The following CDC42EP4 variants were observed in gnomAD, a reference collection of about 807,000 sequenced individuals.
CDC42EP4 encodes CDC42 effector protein (Rho GTPase binding) 4.
In CDC42EP4, 6 loss-of-function variants were observed where a neutral mutation model predicts 5.6. That is an observed-to-expected ratio of 1.07 (90% CI 0.59 to 2.12). The LOEUF is 2.12. Among genes scored for constraint, CDC42EP4 ranks in the 30% most tolerant of loss-of-function variants. The pLI is 0.00. For missense variants in CDC42EP4, 490 were observed against 508.6 expected (o/e 0.96, Z 0.35); for synonymous variants, 230 against 224.2 (o/e 1.03, Z -0.23).
chr17:73,302,970 G>C (rs1465175827), intron 1 of CDC42EP4, among the ~76,000 whole-genome samples: 1 of 147,562 alleles, frequency 6.8e-6, no homozygotes, highest in Admixed American at 7.0e-5. Flanking sequence ...CGTGAACCCG[G>C]GAGGCAGAGC....
In CDC42EP4 at chr17:73,300,565, G is replaced by C. The variant is rs547004203; in HGVS notation, c.-113+11328C>G. On this transcript the variant is annotated intron_variant, in intron 1 of 1. Coordinates refer to ENST00000335793, the MANE Select transcript of CDC42EP4 (RefSeq NM_012121.5). ...GAGCACTTGACATGTGGCCAGCATG[G>C]AATAATAAACACTGGAGACTGGGAG... Among the ~76,000 whole-genome samples the C allele has an allele frequency of 2.0e-5, 3 of 152,264 alleles. No homozygotes were observed. The South Asian group carries it at 6.2e-4, about 32-fold the overall frequency.
chr17:73,290,798 A>T (rs774392404), intron 1 of CDC42EP4, among the ~76,000 whole-genome samples: 1 of 152,138 alleles, frequency 6.6e-6, no homozygotes, highest in Non-Finnish European at 1.5e-5. Flanking sequence ...CAAGGCAGGA[A>T]CCCCCAGACC....
At chr17:73,302,028 T>G (rs1183366402) in intron 1 of CDC42EP4, among the ~76,000 whole-genome samples, 21 of 152,118 alleles carry the variant, frequency 1.4e-4, no homozygotes, top group Non-Finnish European at 5.9e-5. Flanking sequence ...GAGACAGGGT[T>G]TCACTGTGTT....
intron 1 of CDC42EP4, among the ~76,000 whole-genome samples, chr17:73,303,052 A>AAAAAAAAAAAG: frequency 6.7e-6 from 1 of 149,578 alleles, no homozygotes; most frequent in Admixed American, 6.7e-5. Context: ...TCAAAAAAAA[A>AAAAAAAAAAAG]AAGATAATTG....
At chr17:73,297,301 A>ACACACACACACACACACACAC (rs1568343473) in intron 1 of CDC42EP4, among the ~76,000 whole-genome samples, 11 of 147,800 alleles carry the variant, frequency 7.4e-5, no homozygotes, top group African/African-American at 2.3e-4. Flanking sequence ...TCTCCAAAAA[A>ACACACACACACACACACACAC]AAAAAAAAAC....
rs916774025 is a variant in CDC42EP4, at chr17:73,285,995, G to A, written c.506C>T (p.Ala169Val). 3 of 1,613,266 alleles carry A rather than the reference G, an allele frequency of 1.9e-6. No homozygotes were observed. The highest frequency in any genetic ancestry group is 4.5e-5 in the East Asian group (2 of 44,854). Residue 169 changes from alanine (A) to valine (V), a missense_variant, in exon 2 of 2, where the codon GCC becomes GTC. Physicochemically the swap from Ala to Val is moderately conservative, Grantham distance 64. Coordinates refer to ENST00000335793, the MANE Select transcript of CDC42EP4 (RefSeq NM_012121.5). The surrounding 1 kb of genome is among the most constrained non-coding windows in gnomAD (Gnocchi z 6.8). The stretch of plus-strand genomic sequence containing the variant: ...GGGGTCAGGGGAATGTGGACCCGCG[G>A]CCCCATTCCGACGGGGCACTGCCTC... The part of the protein sequence containing the change: ...TEEAVPRRNG[A>V]AGPHSPDPLL...
chr17:73,309,617 G>C (rs2062263164), intron 1 of CDC42EP4: 1 of 153,280 alleles, frequency 6.5e-6, no homozygotes, highest in African/African-American at 2.4e-5. Context: ...CAAAAAGAGA[G>C]AGGCAGAAAC....
At chr17:73,308,219 C>T (rs1287390476) in intron 1 of CDC42EP4, among the ~76,000 whole-genome samples, 3 of 152,160 alleles carry the variant, frequency 2.0e-5, no homozygotes, top group African/African-American at 4.8e-5. Flanking sequence ...GACACTCTGC[C>T]GGATGACCCC....
Position 73,310,680 on chromosome 17 carries a change from C to A in CDC42EP4, c.-113+1213G>T, listed in dbSNP as rs534845855. Among the ~76,000 whole-genome samples, 271 of 151,588 alleles carry A rather than the reference C, an allele frequency of 1.8e-3. 1 individual carries two copies. Among genetic ancestry groups the A allele is most frequent in the Non-Finnish European group, 2.7e-3 (186 of 67,874 alleles). On this transcript the variant is annotated intron_variant, in intron 1 of 1. Coordinates refer to ENST00000335793, the MANE Select transcript of CDC42EP4 (RefSeq NM_012121.5). The stretch of plus-strand genomic sequence containing the variant: ...AAAAAGAAAACTTCCAAAGCCGAGG[C>A]CGCAGTCACTGGGAAAACACAGGGA...
intron 1 of CDC42EP4, among the ~76,000 whole-genome samples, chr17:73,305,915 G>A (rs1453528002): frequency 1.3e-5 from 2 of 152,280 alleles, no homozygotes; most frequent in Middle Eastern, 3.4e-3. Flanking sequence ...GCAGGGGGAA[G>A]GGTCCCCCAA....
At chr17:73,298,268 G>A (rs1380051979) in intron 1 of CDC42EP4, among the ~76,000 whole-genome samples, 3 of 152,176 alleles carry the variant, frequency 2.0e-5, no homozygotes, top group South Asian at 2.1e-4. Context: ...TTGCCTGGGC[G>A]GAGGAAGTGG....
At chr17:73,299,734 G>A (rs981714137) in intron 1 of CDC42EP4, among the ~76,000 whole-genome samples, 1 of 152,194 alleles carries the variant, frequency 6.6e-6, no homozygotes, top group East Asian at 1.9e-4. Context: ...TACATGTGGA[G>A]CAGGGTGGGG....
At chr17:73,287,913 C>G (rs546315857) in intron 1 of CDC42EP4, among the ~76,000 whole-genome samples, 13 of 152,180 alleles carry the variant, frequency 8.5e-5, no homozygotes, top group African/African-American at 2.9e-4. Context: ...CATCCTTCAC[C>G]TCTTGGCTAA....
At chr17:73,298,975 T>G (rs75991570) in intron 1 of CDC42EP4, among the ~76,000 whole-genome samples, 2 of 151,920 alleles carry the variant, frequency 1.3e-5, no homozygotes, top group East Asian at 1.9e-4. Context: ...TTTTTTTTTT[T>G]GAGACACGGC....
At chr17:73,302,578 G>C (rs981854437) in intron 1 of CDC42EP4, among the ~76,000 whole-genome samples, 2 of 152,150 alleles carry the variant, frequency 1.3e-5, no homozygotes, top group African/African-American at 2.4e-5. Flanking sequence ...CTAGGCTCAA[G>C]CAATCCTTCC....
chr17:73,296,996 A>AG (rs1374082498), intron 1 of CDC42EP4, among the ~76,000 whole-genome samples: 1 of 128,344 alleles, frequency 7.8e-6, no homozygotes, highest in Non-Finnish European at 1.7e-5. Context: ...AAAAAAAAAA[A>AG]AAAAAAAATA....
chr17:73,285,530 G>A lies in CDC42EP4; in HGVS notation c.971C>T (p.Ala324Val). 6.2e-7 allele frequency: 1 copy of A among 1,611,014 alleles called. No homozygotes were observed. Among genetic ancestry groups the A allele is most frequent in the Admixed American group, 1.7e-5 (1 of 59,970 alleles). Reference protein sequence around the residue: ...TSGILEERSPAFRGPDRARAA... With the variant: ...TSGILEERSPVFRGPDRARAA... ...CCGGGCCCTGTCCGGCCCCCGGAAG[G>A]CAGGGCTGCGCTCCTCCAGGATGCC... Residue 324 changes from alanine to valine, a missense_variant, in exon 2 of 2, where the codon GCC becomes GTC. Coordinates refer to ENST00000335793, the MANE Select transcript of CDC42EP4 (RefSeq NM_012121.5). This position sits in a 1 kb window ranked among gnomAD's most constrained non-coding sequence, Gnocchi z 6.8.
At chr17:73,287,018 T>C (rs111954595) in intron 1 of CDC42EP4, among the ~76,000 whole-genome samples, 10 of 152,330 alleles carry the variant, frequency 6.6e-5, no homozygotes, top group African/African-American at 2.2e-4. Context: ...TTGGCTCCTA[T>C]GAACAGTCAG....
At chr17:73,310,579 G>C (rs994006219) in intron 1 of CDC42EP4, among the ~76,000 whole-genome samples, 1 of 150,666 alleles carries the variant, frequency 6.6e-6, no homozygotes, top group Admixed American at 6.6e-5. Flanking sequence ...AGGGGTGGGA[G>C]TCGTGGAGAG....
Sources: gnomAD v4.1 joint callset for allele counts (sites outside exome capture counted in the v4.1 genomes callset) on GRCh38, gnomAD v4.1.1 for gene constraint, Gnocchi (gnomAD v3.1) non-coding constraint, MANE v1.5 for transcripts, NCBI Gene and HGNC (gene_info 2026-07-23, HGNC 2026-07-21) for gene names.